RBFOX1: variants seen among roughly 807,000 people sequenced by gnomAD.
The protein encoded by RBFOX1 is RNA binding protein fox-1 homolog 1.
Under a neutral mutation model 57.7 loss-of-function variants are expected in RBFOX1, and 8 were observed. The observed-to-expected ratio is 0.14, with a 90% CI of 0.08 to 0.25. The LOEUF is 0.25. Among genes scored for constraint, RBFOX1 ranks in the 10% least tolerant of loss-of-function variants. The pLI, the probability that RBFOX1 is intolerant of heterozygous loss-of-function variation, is 1.00. For missense variants in RBFOX1, 611 were observed against 548.5 expected, an observed-to-expected ratio of 1.11 and a Z score of -1.14; for synonymous variants, 326 against 222.4, an observed-to-expected ratio of 1.47 and a Z score of -4.15.
intron 3 of RBFOX1, among the ~76,000 whole-genome samples, chr16:6,992,528 G>T (rs1296778866): frequency 1.3e-5 from 2 of 151,994 alleles, no homozygotes; most frequent in African/African-American, 4.8e-5. Context: ...AATTCCTTAA[G>T]TACCTTGTTC....
intron 1 of RBFOX1, among the ~76,000 whole-genome samples, chr16:5,461,475 T>G (rs2068786102): frequency 6.6e-6 from 1 of 152,074 alleles, no homozygotes; most frequent in Non-Finnish European, 1.5e-5. Context: ...GAACTAAAAC[T>G]TTGGGCCCTG....
chr16:7,578,323 T>A (rs2093489911), intron 5 of RBFOX1, among the ~76,000 whole-genome samples: 1 of 152,204 alleles, frequency 6.6e-6, no homozygotes, highest in African/African-American at 2.4e-5. Flanking sequence ...ACTAAATACA[T>A]TGTCTAAATA....
At chr16:7,227,862 T>C (rs1008912182) in intron 4 of RBFOX1, among the ~76,000 whole-genome samples, 1 of 152,196 alleles carries the variant, frequency 6.6e-6, no homozygotes, top group African/African-American at 2.4e-5. Context: ...CTGGCTGTTT[T>C]TACTCCTTGC....
At chr16:6,757,143 AAATAAAT>A (rs2075929493) in intron 3 of RBFOX1, among the ~76,000 whole-genome samples, 1 of 152,348 alleles carries the variant, frequency 6.6e-6, no homozygotes, top group South Asian at 2.1e-4. Context: ...AAAAGATAAA[AAATAAAT>A]GCTAGCAAGG....
chr16:7,333,203 A>T (rs2096724269), intron 4 of RBFOX1: 1 of 912,212 alleles, frequency 1.1e-6, no homozygotes, highest in African/African-American at 1.6e-5. Context: ...GCCCTCGCGT[A>T]GTCAGTGAGA....
chr16:6,432,795 T>G (rs1245440393), intron 2 of RBFOX1, among the ~76,000 whole-genome samples: 1 of 152,022 alleles, frequency 6.6e-6, no homozygotes, highest in Non-Finnish European at 1.5e-5. Context: ...CTGACTGATG[T>G]GGTGAAACCC....
At chr16:6,124,810 G>A (rs918465285) in intron 1 of RBFOX1, among the ~76,000 whole-genome samples, 5 of 152,130 alleles carry the variant, frequency 3.3e-5, no homozygotes, top group African/African-American at 1.2e-4. Flanking sequence ...TTACAGGCAT[G>A]AGTCACCGTG....
chr16:5,898,213 G>A (rs563132550), intron 4 of RBFOX1, among the ~76,000 whole-genome samples: 1 of 152,284 alleles, frequency 6.6e-6, no homozygotes, highest in East Asian at 1.9e-4. Flanking sequence ...AGAACAGCAT[G>A]AGGGTAACTT....
intron 4 of RBFOX1, among the ~76,000 whole-genome samples, chr16:7,465,182 C>T (rs780813406): frequency 2.6e-5 from 4 of 152,164 alleles, no homozygotes; most frequent in Non-Finnish European, 5.9e-5. Context: ...TTTTGACATT[C>T]TTTACAAACC....
At chr16:5,583,146 C>G (rs1263599617) in intron 2 of RBFOX1, among the ~76,000 whole-genome samples, 2 of 152,158 alleles carry the variant, frequency 1.3e-5, no homozygotes, top group African/African-American at 2.4e-5. Context: ...TACATTCAAA[C>G]AAAAAATTGT....
At chr16:6,580,137 T>A (rs904731701) in intron 2 of RBFOX1, among the ~76,000 whole-genome samples, 2 of 152,076 alleles carry the variant, frequency 1.3e-5, no homozygotes, top group African/African-American at 4.8e-5. Context: ...TTTTGTGTTT[T>A]TAGAAGAGAC....
At chr16:5,471,828 C>T (rs1024042211) in intron 2 of RBFOX1, among the ~76,000 whole-genome samples, 8 of 152,128 alleles carry the variant, frequency 5.3e-5, no homozygotes, top group Non-Finnish European at 1.2e-4. Context: ...AAGGTCCTGG[C>T]GAGATGTGGC....
rs548649246 is a variant in RBFOX1, at chr16:7,006,047, T to C, written c.-15-46010T>C. ...AGATACTCCGTGGTTCCTCATGGTA[T>C]ATGTTCTCCTTTGCAATAGGTAGTA... On this transcript the variant is annotated intron_variant, in intron 3 of 15. Coordinates refer to ENST00000550418, the MANE Select transcript of RBFOX1 (RefSeq NM_018723.4). 2.0e-4 allele frequency among the ~76,000 whole-genome samples: 31 copies of C among 152,334 alleles called. 1 individual carries two copies. The South Asian group carries it at 5.6e-3, about 28-fold the overall frequency.
chr16:6,583,308 G>A (rs1001851910), intron 2 of RBFOX1, among the ~76,000 whole-genome samples: 3 of 152,140 alleles, frequency 2.0e-5, no homozygotes, highest in African/African-American at 7.2e-5. Context: ...CTTTCCCTGA[G>A]ACACTTGGTC....
intron 3 of RBFOX1, among the ~76,000 whole-genome samples, chr16:5,755,203 T>C (rs2053349993): frequency 7.5e-6 from 1 of 132,628 alleles, no homozygotes; most frequent in Non-Finnish European, 1.6e-5. Context: ...CAGCACACGT[T>C]TCAGAGAGCA....
intron 4 of RBFOX1, among the ~76,000 whole-genome samples, chr16:7,354,782 C>A (rs1474029702): frequency 1.3e-5 from 2 of 152,166 alleles, no homozygotes; most frequent in African/African-American, 4.8e-5. Context: ...GTGCCATTGA[C>A]ATTTTCAGTG....
At chr16:5,373,266 A>G (rs1217134057) in intron 1 of RBFOX1, among the ~76,000 whole-genome samples, 6 of 152,258 alleles carry the variant, frequency 3.9e-5, no homozygotes, top group African/African-American at 1.4e-4. Context: ...TTAGAGAGAT[A>G]GGGCCAGTGG....
intron 5 of RBFOX1, among the ~76,000 whole-genome samples, chr16:7,545,574 C>T (rs2084237516): frequency 6.6e-6 from 1 of 152,176 alleles, no homozygotes; most frequent in South Asian, 2.1e-4. Context: ...TAGAATGCTA[C>T]TGCGGCTGTT....
At chr16:6,889,298 A>C (rs1297343488) in intron 3 of RBFOX1, among the ~76,000 whole-genome samples, 1 of 152,184 alleles carries the variant, frequency 6.6e-6, no homozygotes, top group Non-Finnish European at 1.5e-5. Flanking sequence ...AACTGTGAGC[A>C]TAGGTGATGG....
Sources: gnomAD v4.1 joint callset for allele counts (sites outside exome capture counted in the v4.1 genomes callset) on GRCh38, gnomAD v4.1.1 for gene constraint, MANE v1.5 for transcripts, NCBI Gene and HGNC (gene_info 2026-07-23, HGNC 2026-07-21) for gene names.